STON2: variants seen among roughly 807,000 people sequenced by gnomAD.
The protein encoded by STON2 is stonin-2.
STON2 carries 29 observed loss-of-function variants against 65.7 expected under a neutral mutation model. The ratio of observed to expected loss-of-function variants is 0.44; its 90% CI spans 0.33 to 0.60. STON2 has a LOEUF of 0.60. Ranked by LOEUF, STON2 falls within the 20% of genes least tolerant of loss-of-function variation. The probability of loss-of-function intolerance (pLI) is 0.03; values close to 1 mark genes in which losing one functional copy is unlikely to be tolerated. For synonymous variants in STON2, 404 were observed against 414.2 expected, an observed-to-expected ratio of 0.98 and a Z score of 0.30; for missense variants, 1,054 against 1,118.1, an observed-to-expected ratio of 0.94 and a Z score of 0.82.
chr14:81,350,832 A>G (rs1486709954), intron 4 of STON2, among the ~76,000 whole-genome samples: 1 of 152,170 alleles, frequency 6.6e-6, no homozygotes, highest in Admixed American at 6.5e-5. Context: ...CCATGGCTTG[A>G]GCACTTGATG....
intron 5 of STON2, among the ~76,000 whole-genome samples, chr14:81,308,135 T>C (rs1896255031): frequency 6.6e-6 from 1 of 152,206 alleles, no homozygotes; most frequent in Non-Finnish European, 1.5e-5. Flanking sequence ...CAAACAGAAA[T>C]GTATGTTTGA....
intron 6 of STON2, among the ~76,000 whole-genome samples, chr14:81,274,765 G>T (rs1380698974): frequency 2.0e-5 from 3 of 151,922 alleles, no homozygotes; most frequent in Non-Finnish European, 4.4e-5. Context: ...GTGAAAACCT[G>T]TCTCTACTAA....
intron 1 of STON2, among the ~76,000 whole-genome samples, chr14:81,434,946 G>GT (rs542759632): frequency 1.3e-5 from 2 of 151,834 alleles, no homozygotes; most frequent in African/African-American, 2.4e-5. Flanking sequence ...GTGTGGTTGA[G>GT]TTTTTTTTCT....
In STON2 at chr14:81,385,469, C is replaced by T. The variant is rs115656474; in HGVS notation, c.373+10425G>A. Among the ~76,000 whole-genome samples, 108 of 152,226 alleles carry T rather than the reference C, an allele frequency of 7.1e-4. 1 individual carries two copies. The highest frequency in any genetic ancestry group is 2.5e-3 in the African/African-American group (105 of 41,524). On this transcript the variant is annotated intron_variant, in intron 3 of 7. Coordinates refer to ENST00000614646, the MANE Select transcript of STON2 (RefSeq NM_001394390.1). ...TATGTATATGTCCATGGTGTGTATA[C>T]ACTCATGTATGCACATACATATGTG...
chr14:81,288,034 T>G (rs1183755539), intron 5 of STON2, among the ~76,000 whole-genome samples: 1 of 152,218 alleles, frequency 6.6e-6, no homozygotes. Flanking sequence ...CTGGCATCTA[T>G]GGTAAACTGA....
intron 5 of STON2, among the ~76,000 whole-genome samples, chr14:81,322,799 T>C (rs1161338319): frequency 6.6e-6 from 1 of 152,186 alleles, no homozygotes; most frequent in Non-Finnish European, 1.5e-5. Flanking sequence ...GTACACTGTG[T>C]TTTAGGGCAA....
upstream of STON2, among the ~76,000 whole-genome samples, chr14:81,401,484 C>T (rs1900611242): frequency 6.6e-6 from 1 of 152,092 alleles, no homozygotes; most frequent in Non-Finnish European, 1.5e-5. Context: ...AAGAGCCACA[C>T]CAATAAGCCA....
chr14:81,324,665 G>A (rs1896943567), intron 4 of STON2, among the ~76,000 whole-genome samples: 2 of 152,216 alleles, frequency 1.3e-5, no homozygotes, highest in South Asian at 4.1e-4. Context: ...ATTCTCAACA[G>A]TCTCCCAGTG....
intron 2 of STON2, among the ~76,000 whole-genome samples, chr14:81,396,750 A>AT (rs5810027): frequency 6.8e-5 from 8 of 116,980 alleles, no homozygotes; most frequent in Admixed American, 2.6e-4. Flanking sequence ...GCCTTCAAAA[A>AT]TTTTTTTTTT....
At chr14:81,344,266 C>T (rs887235675) in intron 4 of STON2, among the ~76,000 whole-genome samples, 1 of 152,054 alleles carries the variant, frequency 6.6e-6, no homozygotes, top group African/African-American at 2.4e-5. Context: ...TTATAAATAA[C>T]TCAAATTATA....
intron 4 of STON2, chr14:81,333,183 A>C: frequency 8.0e-7 from 1 of 1,251,764 alleles, no homozygotes; most frequent in South Asian, 1.2e-5. Flanking sequence ...TTCTGAATCC[A>C]AGTACAAAGA....
At chr14:81,393,037 G>A (rs1049984644) in intron 3 of STON2, among the ~76,000 whole-genome samples, 6 of 152,142 alleles carry the variant, frequency 3.9e-5, no homozygotes, top group Non-Finnish European at 8.8e-5. Context: ...CAAGGTCTAT[G>A]GGCCAGACTG....
chr14:81,352,395 C>T (rs1049954302), intron 4 of STON2, among the ~76,000 whole-genome samples: 1 of 152,190 alleles, frequency 6.6e-6, no homozygotes, highest in Non-Finnish European at 1.5e-5. Context: ...ATGCTCATCT[C>T]ATTAACCTCC....
rs1055471258 is a variant in STON2, at chr14:81,264,876, T to C, written c.*3538A>G. 2.0e-6 allele frequency: 2 copies of C among 985,432 alleles called. No homozygotes were observed. Among genetic ancestry groups the C allele is most frequent in the Non-Finnish European group, 2.4e-6 (2 of 829,938 alleles). The allele number at this position is 985,432 out of a possible 1,614,324, so 61.0% of individuals were successfully genotyped here. On this transcript the variant is annotated 3_prime_UTR_variant, in exon 8 of 8. Coordinates refer to ENST00000614646, the MANE Select transcript of STON2 (RefSeq NM_001394390.1). Reference sequence around the variant, plus strand: ...TGGTCTCCCCACAAAGTGCCTCACATTGTCTTGTCTGACATGTCATGAGTA... The same window carrying C: ...TGGTCTCCCCACAAAGTGCCTCACACTGTCTTGTCTGACATGTCATGAGTA...
At chr14:81,373,862 AC>A (rs1013677162) in intron 3 of STON2, among the ~76,000 whole-genome samples, 2 of 152,134 alleles carry the variant, frequency 1.3e-5, no homozygotes, top group African/African-American at 4.8e-5. Context: ...AGAATTAATA[AC>A]CACAAATTTT....
At chr14:81,346,855 G>A (rs1199606508) in intron 4 of STON2, among the ~76,000 whole-genome samples, 3 of 152,012 alleles carry the variant, frequency 2.0e-5, no homozygotes, top group Admixed American at 6.6e-5. Flanking sequence ...AGAACGAAAC[G>A]AAAACATTTG....
rs1354845176 is a variant in STON2 at position 81,341,455 on chromosome 14, TTG to T, written c.572-17270_572-17269del. Among the ~76,000 whole-genome samples the T allele has an allele frequency of 5.3e-4, 64 of 120,850 alleles. 1 individual carries two copies. The highest frequency in any genetic ancestry group is 4.1e-3 in the Middle Eastern group (1 of 242). 79.3% of individuals were successfully genotyped at this position (120,850 alleles called of 152,430 possible). ...TCCTCATTTTATAAGTGTTTTTTTT[TTG>T]TTTTTTTTTTTTCCCAAAAGTCTGG... is the stretch of plus-strand genomic sequence containing the variant. On this transcript the variant is annotated intron_variant, in intron 4 of 7. Coordinates refer to ENST00000614646, the MANE Select transcript of STON2 (RefSeq NM_001394390.1).
At chr14:81,291,512 A>T (rs1486162252) in intron 5 of STON2, among the ~76,000 whole-genome samples, 1 of 152,094 alleles carries the variant, frequency 6.6e-6, no homozygotes, top group Non-Finnish European at 1.5e-5. Context: ...ACTTAAGGAG[A>T]TACTCAATTG....
chr14:81,364,984 T>C (rs888506650), intron 4 of STON2, among the ~76,000 whole-genome samples: 1 of 152,168 alleles, frequency 6.6e-6, no homozygotes, highest in Non-Finnish European at 1.5e-5. Context: ...ACTTGGGGAT[T>C]TGTTCCTTGT....
Sources: allele counts gnomAD v4.1 joint callset (sites outside exome capture counted in the v4.1 genomes callset), GRCh38; gene constraint gnomAD v4.1.1; transcripts MANE v1.5; gene names NCBI Gene and HGNC (gene_info 2026-07-23, HGNC 2026-07-21).